The following TLR5 variants were observed in gnomAD, a reference collection of about 807,000 sequenced individuals.
The protein encoded by TLR5 is toll like receptor 5.
For missense variants in TLR5, 944 were observed against 999.8 expected, an observed-to-expected ratio of 0.94 and a Z score of 0.75; for synonymous variants, 373 against 384.4, an observed-to-expected ratio of 0.97 and a Z score of 0.35.
rs774691766 is a variant in TLR5, at chr1:223,112,775, A to AGC, written c.256_257insGC (p.Ile86SerfsTer52). ...CAGGTTTCTGAAGGCCTCCTTGTCA[A>AGC]TAGTCAAGGGGGTATACTGGCTCCC... On this transcript the variant is annotated frameshift_variant, in exon 6 of 6. Coordinates refer to ENST00000642603, the MANE Select transcript of TLR5 (RefSeq NM_003268.6). LOFTEE classifies it low-confidence loss of function (END_TRUNC). The AGC allele has an allele frequency of 3.1e-6, 5 of 1,613,790 alleles. No homozygotes were observed. Among genetic ancestry groups the AGC allele is most frequent in the Admixed American group, 1.7e-5 (1 of 59,980 alleles).
rs188452384 is a variant in TLR5, at chr1:223,124,362, G to A, written c.-5+8113C>T. On this transcript the variant is annotated intron_variant, in intron 5 of 5. Transcript: ENST00000642603. Reference sequence around the variant, plus strand: ...GGAGGCTGAAGCAGGAGAAACCCTTGAGCCCAGGAGGCAAAGGTTGTAGTG... The same window carrying A: ...GGAGGCTGAAGCAGGAGAAACCCTTAAGCCCAGGAGGCAAAGGTTGTAGTG... Among the ~76,000 whole-genome samples the A allele has an allele frequency of 5.8e-3, 880 of 151,396 alleles. 10 individuals carry two copies. The highest frequency in any genetic ancestry group is 0.02 in the African/African-American group (841 of 41,202).
intron 5 of TLR5, among the ~76,000 whole-genome samples, chr1:223,118,447 T>C (rs753998729): frequency 7.3e-5 from 11 of 151,640 alleles, no homozygotes; most frequent in Non-Finnish European, 1.5e-4. Context: ...CTCAGGAGGC[T>C]GAGGAAGGAG....
In TLR5 at chr1:223,121,456, G is replaced by A. The variant is rs560789987; in HGVS notation, c.-4-8421C>T. ...CAGGTCTTTTTCCACATTCCTTACA[G>A]GCACTCTGATGACTAAAGCCAGGAA... On this transcript the variant is annotated intron_variant, in intron 5 of 5. Transcript: ENST00000642603. 5.3e-5 allele frequency among the ~76,000 whole-genome samples: 8 copies of A among 152,276 alleles called. No individual in the cohort carries two copies. In the South Asian group the frequency reaches 1.5e-3, roughly 28 times the overall value.
chr1:223,112,202 G>T lies in TLR5; in HGVS notation c.830C>A (p.Pro277His), dbSNP rs752276249. 2 of 1,614,094 alleles carry T rather than the reference G, an allele frequency of 1.2e-6. No homozygotes were observed. Among genetic ancestry groups the T allele is most frequent in the African/African-American group, 2.7e-5 (2 of 74,928 alleles). Residue 277 changes from proline to histidine, a missense_variant, in exon 6 of 6, where the codon CCT (proline) becomes CAT (histidine). Transcript: ENST00000642603. ...AGFGFHNIKD[P>H]DQNTFAGLAR... ...CAGGCCAGCAAATGTGTTCTGGTCA[G>T]GATCTTTGATGTTATGGAAGCCAAA...
Position 223,110,501 on chromosome 1 carries a change from T to G in TLR5, c.2531A>C (p.Lys844Thr). 6.2e-7 allele frequency: 1 copy of G among 1,614,210 alleles called. No individual in the cohort carries two copies. The highest frequency in any genetic ancestry group is 8.5e-7 in the Non-Finnish European group (1 of 1,180,036). The change falls in exon 6 of 6, where the codon AAG becomes ACG. Residue 844 changes from lysine to threonine, a missense_variant. Physicochemically the swap from Lys to Thr is moderately conservative, Grantham distance 78 (BLOSUM62 -1). Transcript: ENST00000642603. ...TTGCAACGGAATGTTATTGTCTTTC[T>G]TCTTTTCTTTTTCTTTCTTTAGTAT... ...QQILKKEKEK[K>T]KDNNIPLQTV...
At chr1:223,125,611 G>T (rs1367358012) in intron 5 of TLR5, among the ~76,000 whole-genome samples, 1 of 151,522 alleles carries the variant, frequency 6.6e-6, no homozygotes, top group African/African-American at 2.4e-5. Flanking sequence ...GTGGTTGGTG[G>T]TGATGGTGGT....
intron 5 of TLR5, among the ~76,000 whole-genome samples, chr1:223,132,189 C>T (rs541091080): frequency 8.5e-5 from 13 of 152,092 alleles, no homozygotes; most frequent in Admixed American, 5.9e-4. Context: ...ATAGTGAGAC[C>T]TTGTCTCTAC....
intron 2 of TLR5, among the ~76,000 whole-genome samples, chr1:223,137,949 A>ATTTTTTTT (rs1558134511): frequency 1.4e-5 from 1 of 69,168 alleles, no homozygotes; most frequent in African/African-American, 8.1e-5. Context: ...TGGCTTTTTA[A>ATTTTTTTT]ATTTTTTTTT....
chr1:223,117,562 C>CA (rs66839180), intron 5 of TLR5, among the ~76,000 whole-genome samples: 6,291 of 104,788 alleles, frequency 0.06, 121 homozygotes, highest in Middle Eastern at 0.1. Context: ...ATGGTGTTCA[C>CA]AAAAAAAAAA....
At chr1:223,141,816 TATATATAGAG>T (rs1299531525) in intron 1 of TLR5, 53 bp from the exon 2 acceptor site, 88 of 43,504 alleles carry the variant, frequency 2.0e-3, no homozygotes, top group African/African-American at 5.4e-3. Context: ...TATATATATA[TATATATAGAG>T]AGAGAGAGAG....
rs529835713 is a variant in TLR5, at chr1:223,111,656, C to A, written c.1376G>T (p.Arg459Leu). Residue 459 changes from arginine (R) to leucine (L), a missense_variant, in exon 6 of 6, where the codon CGC becomes CTC. Physicochemically the swap from Arg to Leu is moderately radical, Grantham distance 102. Transcript: ENST00000642603. The stretch of plus-strand genomic sequence containing the variant: ...TTGATCTCCACTACAGGAGGAGAAG[C>A]GATTTTGATTTAAAATGAGAATCTG... Reference protein sequence around the residue: ...HLQILILNQNRFSSCSGDQTP... With the variant: ...HLQILILNQNLFSSCSGDQTP... 2 of 1,613,864 alleles carry A rather than the reference C, an allele frequency of 1.2e-6. No individual in the cohort carries two copies. Among genetic ancestry groups the A allele is most frequent in the Non-Finnish European group, 8.5e-7 (1 of 1,180,018 alleles).
At chr1:223,134,954 G>C (rs1657549635) in intron 3 of TLR5, 90 bp from the exon 4 acceptor site, 1 of 152,382 alleles carries the variant, frequency 6.6e-6, no homozygotes, top group Non-Finnish European at 1.5e-5. Flanking sequence ...TGGGGGTGGT[G>C]ACCGGCAACT....
rs569929741 is a variant in TLR5, at chr1:223,112,142, T to C, written c.890A>G (p.His297Arg). The C allele has an allele frequency of 6.2e-7, 1 of 1,614,202 alleles. No homozygotes were observed. The change falls in exon 6 of 6, where the codon CAT becomes CGT. Residue 297 changes from histidine (H) to arginine (R), a missense_variant. Physicochemically the swap from His to Arg is conservative, Grantham distance 29. Transcript: ENST00000642603. ...TGAGTTCAGGGAGAAGACAAACCCA[T>C]GTGAAAGATCCAGGTGTCTCACTGA... The part of the protein sequence containing the change: ...RSSVRHLDLS[H>R]GFVFSLNSRV...
chr1:223,140,044 C>T (rs5744120), intron 2 of TLR5, among the ~76,000 whole-genome samples: 123 of 152,248 alleles, frequency 8.1e-4, no homozygotes, highest in African/African-American at 2.5e-3. Flanking sequence ...ATGGACAATA[C>T]GGAGCTTCAA....
rs780350295 is a variant in TLR5, at chr1:223,112,313, A to G, written c.719T>C (p.Val240Ala). 2.5e-6 allele frequency: 4 copies of G among 1,614,042 alleles called. No individual in the cohort carries two copies. Among genetic ancestry groups the G allele is most frequent in the Admixed American group, 3.3e-5 (2 of 59,992 alleles). The change falls in exon 6 of 6, where the codon GTG (valine) becomes GCG (alanine). Residue 240 changes from valine (V) to alanine (A), a missense_variant. Transcript: ENST00000642603. ...ILDVSGNGWT[V>A]DITGNFSNAI... Reference sequence around the variant, plus strand: ...ATTGCTAAAGTTTCCTGTGATGTCCACTGTCCAGCCATTTCCAGAAACATC... The same window carrying G: ...ATTGCTAAAGTTTCCTGTGATGTCCGCTGTCCAGCCATTTCCAGAAACATC...
chr1:223,133,694 A>C (rs991935442), intron 4 of TLR5, among the ~76,000 whole-genome samples: 2 of 152,236 alleles, frequency 1.3e-5, no homozygotes, highest in Admixed American at 6.5e-5. Context: ...TGAAGAGTGA[A>C]GCATCAGAGA....
At position 223,112,145 on chromosome 1, in the gene TLR5, G is replaced by A; in HGVS notation, c.887C>T (p.Ser296Leu). 1 of 1,614,198 alleles carries A rather than the reference G, an allele frequency of 6.2e-7. No homozygotes were observed. The highest frequency in any genetic ancestry group is 8.5e-7 in the Non-Finnish European group (1 of 1,180,036). ...ARSSVRHLDLSHGFVFSLNSR... is the reference protein window; with the variant it reads ...ARSSVRHLDLLHGFVFSLNSR... ...GTTCAGGGAGAAGACAAACCCATGT[G>A]AAAGATCCAGGTGTCTCACTGAACT... is the stretch of plus-strand genomic sequence containing the variant. Residue 296 changes from serine to leucine, a missense_variant, in exon 6 of 6, where the codon TCA becomes TTA. By Grantham distance (145) the Ser-to-Leu change is moderately radical (BLOSUM62 -2). Coordinates refer to ENST00000642603, the MANE Select transcript of TLR5 (RefSeq NM_003268.6).
chr1:223,129,840 T>C (rs1397546449), intron 5 of TLR5, among the ~76,000 whole-genome samples: 1 of 152,128 alleles, frequency 6.6e-6, no homozygotes, highest in Non-Finnish European at 1.5e-5. Flanking sequence ...TAACTACTGT[T>C]CTCTAAAGAG....
At chr1:223,126,271 G>T (rs937823916) in intron 5 of TLR5, among the ~76,000 whole-genome samples, 5 of 152,172 alleles carry the variant, frequency 3.3e-5, no homozygotes, top group African/African-American at 1.2e-4. Flanking sequence ...AATATTGCAT[G>T]AATCCACTTA....
Sources: gnomAD v4.1 joint callset for allele counts (sites outside exome capture counted in the v4.1 genomes callset) on GRCh38, gnomAD v4.1.1 for gene constraint, MANE v1.5 for transcripts, NCBI Gene and HGNC (gene_info 2026-07-23, HGNC 2026-07-21) for gene names.